PIK3CG: variants seen among roughly 807,000 people sequenced by gnomAD.
PIK3CG encodes the protein phosphatidylinositol 4,5-bisphosphate 3-kinase catalytic subunit gamma isoform.
PIK3CG carries 55 observed loss-of-function variants against 102.3 expected under a neutral mutation model. The observed-to-expected ratio is 0.54, with a 90% CI of 0.43 to 0.67. The LOEUF (loss-of-function observed/expected upper bound fraction) is 0.67. Among genes scored for constraint, PIK3CG ranks in the 30% least tolerant of loss-of-function variants. The pLI is 0.00. For missense variants in PIK3CG, 1,258 were observed against 1,391.8 expected (o/e 0.90, Z 1.53); for synonymous variants, 552 against 540.0 (o/e 1.02, Z -0.31).
chr7:106,902,571 G>A lies in PIK3CG; in HGVS notation c.3031-2538G>A, dbSNP rs1791587113. Among the ~76,000 whole-genome samples, 2 of 150,920 alleles carry A rather than the reference G, an allele frequency of 1.3e-5. No individual in the cohort carries two copies. Among genetic ancestry groups the A allele is most frequent in the African/African-American group, 4.9e-5 (2 of 41,094 alleles). On this transcript the variant is annotated intron_variant, in intron 10 of 10. Transcript: ENST00000496166. The surrounding 1 kb of genome is among the most constrained non-coding windows in gnomAD (Gnocchi z 4.3). ...AAAAAAAAAAAAGTCCAGTTTTTAG[G>A]TAAATTTTCCATCTCATTTTAAGTT... is the stretch of plus-strand genomic sequence containing the variant.
Position 106,874,834 on chromosome 7 carries a change from C to G in PIK3CG, c.2391+31C>G. On this transcript the variant is annotated intron_variant, in intron 5 of 10. Transcript: ENST00000496166. This position sits in a 1 kb window ranked among gnomAD's most constrained non-coding sequence, Gnocchi z 4.3. ...TATCACTTGGATGTCTCCATGTGGT[C>G]TTTATGTCTTGAAGATGTCTAACGT... 1 of 1,400,828 alleles carries G rather than the reference C, an allele frequency of 7.1e-7. No homozygotes were observed. Among genetic ancestry groups the G allele is most frequent in the Admixed American group, 1.7e-5 (1 of 57,906 alleles). 86.8% of individuals were successfully genotyped at this position (1,400,828 alleles called of 1,614,324 possible).
chr7:106,882,608 A>G (rs1315104912), intron 7 of PIK3CG: 6 of 174,948 alleles, frequency 3.4e-5, no homozygotes, highest in Non-Finnish European at 7.2e-5. Context: ...ACTATCAGGT[A>G]TTTTTATAGA....
Position 106,902,812 on chromosome 7 carries a change from T to C in PIK3CG, c.3031-2297T>C, listed in dbSNP as rs1791595581. Among the ~76,000 whole-genome samples, 1 of 152,144 alleles carries C rather than the reference T, an allele frequency of 6.6e-6. No homozygotes were observed. The highest frequency in any genetic ancestry group is 2.4e-5 in the African/African-American group (1 of 41,452). On this transcript the variant is annotated intron_variant, in intron 10 of 10. Transcript: ENST00000496166. The surrounding 1 kb of genome is among the most constrained non-coding windows in gnomAD (Gnocchi z 4.3). ...TGTCATTAAGCCACTTTTAATATTA[T>C]GTATAGCTTTTTTTCTCTCAAAAGT...
Position 106,874,613 on chromosome 7 carries a change from G to T in PIK3CG, c.2288-87G>T. The T allele has an allele frequency of 1.1e-6, 1 of 913,662 alleles. No individual in the cohort carries two copies. The highest frequency in any genetic ancestry group is 2.5e-5 in the East Asian group (1 of 40,002). 56.6% of individuals were successfully genotyped at this position (913,662 alleles called of 1,614,324 possible). A position where few individuals can be genotyped will look rare whatever the true frequency, so the allele number is the denominator to read the frequency against. On this transcript the variant is annotated intron_variant, in intron 4 of 10. Coordinates refer to ENST00000496166, the MANE Select transcript of PIK3CG (RefSeq NM_001282426.2). The surrounding 1 kb of genome is among the most constrained non-coding windows in gnomAD (Gnocchi z 4.3). Reference sequence around the variant, plus strand: ...CCAGAACAAATATATAGAATGCTATGAATAAATGTGTTCTCAGGAAATGTA... The same window carrying T: ...CCAGAACAAATATATAGAATGCTATTAATAAATGTGTTCTCAGGAAATGTA...
intron 2 of PIK3CG, among the ~76,000 whole-genome samples, chr7:106,870,128 G>T (rs775431052): frequency 2.0e-4 from 31 of 152,148 alleles, no homozygotes; most frequent in Admixed American, 1.3e-3. Context: ...CATCAGTCTG[G>T]TGTCAGGATT....
chr7:106,890,073 C>T lies in PIK3CG; in HGVS notation c.3030+3781C>T, dbSNP rs1791228533. Among the ~76,000 whole-genome samples, 1 of 152,226 alleles carries T rather than the reference C, an allele frequency of 6.6e-6. No individual in the cohort carries two copies. The highest frequency in any genetic ancestry group is 1.5e-5 in the Non-Finnish European group (1 of 68,048). ...TTCTAGACCATGTTATTTTAAATTT[C>T]ACTGAACAGTTATAGAATATATATA... On this transcript the variant is annotated intron_variant, in intron 10 of 10. Coordinates refer to ENST00000496166, the MANE Select transcript of PIK3CG (RefSeq NM_001282426.2). This position sits in a 1 kb window ranked among gnomAD's most constrained non-coding sequence, Gnocchi z 4.2.
Position 106,867,458 on chromosome 7 carries a change from G to C in PIK3CG, c.-12-92G>C. 8.5e-7 allele frequency: 1 copy of C among 1,173,036 alleles called. No individual in the cohort carries two copies. Among genetic ancestry groups the C allele is most frequent in the East Asian group, 2.4e-5 (1 of 42,258 alleles). The allele number at this position is 1,173,036 out of a possible 1,614,324, so 72.7% of individuals were successfully genotyped here. On this transcript the variant is annotated intron_variant, in intron 1 of 10. Transcript: ENST00000496166. This position sits in a 1 kb window ranked among gnomAD's most constrained non-coding sequence, Gnocchi z 5.1. The stretch of plus-strand genomic sequence containing the variant: ...CCTCTGGGTCCCTGTGCACATGTAC[G>C]CCGCCTATACCTCCTCTTCCCTCAT...
chr7:106,879,803 A>G lies in PIK3CG; in HGVS notation c.2538+138A>G, dbSNP rs1301327810. 4 of 693,176 alleles carry G rather than the reference A, an allele frequency of 5.8e-6. No individual in the cohort carries two copies. Among genetic ancestry groups the G allele is most frequent in the African/African-American group, 1.8e-5 (1 of 55,428 alleles). The allele number at this position is 693,176 out of a possible 1,614,324, so 42.9% of individuals were successfully genotyped here. ...TGTGATCAAATATTACATCATAGAG[A>G]GTTTTCACTTGGGGAATTTGGCTGC... On this transcript the variant is annotated intron_variant, in intron 6 of 10. Transcript: ENST00000496166. This position sits in a 1 kb window ranked among gnomAD's most constrained non-coding sequence, Gnocchi z 4.9.
intron 5 of PIK3CG, among the ~76,000 whole-genome samples, chr7:106,878,284 A>T (rs1790823899): frequency 6.6e-6 from 1 of 151,668 alleles, no homozygotes; most frequent in Non-Finnish European, 1.5e-5. Context: ...TGTTTTTAAG[A>T]TTCTTTTTTA....
chr7:106,875,955 C>T (rs1431434070), intron 5 of PIK3CG, among the ~76,000 whole-genome samples: 7 of 139,978 alleles, frequency 5.0e-5, no homozygotes, highest in Admixed American at 1.5e-4. Context: ...TTGCCCAGGC[C>T]GGACTGCGGA....
chr7:106,867,601 G>A lies in PIK3CG; in HGVS notation c.40G>A (p.Glu14Lys), dbSNP rs1584314339. 1.2e-6 allele frequency: 2 copies of A among 1,605,836 alleles called. No individual in the cohort carries two copies. The highest frequency in any genetic ancestry group is 1.1e-5 in the South Asian group (1 of 90,426). ...CTATAAACAGCCCGTGGTGCTGAGA[G>A]AGGACAACTGCCGAAGGCGCCGGAG... is the stretch of plus-strand genomic sequence containing the variant. ...ENYKQPVVLREDNCRRRRRMK... is the reference protein window; with the variant it reads ...ENYKQPVVLRKDNCRRRRRMK... Residue 14 changes from glutamate to lysine, a missense_variant, in exon 2 of 11, where the codon GAG becomes AAG. Physicochemically the swap from Glu to Lys is moderately conservative, Grantham distance 56. This residue lies in a region of PIK3CG where 832 missense variants were observed against 787.5 expected (regional missense o/e 1.06). Coordinates refer to ENST00000496166, the MANE Select transcript of PIK3CG (RefSeq NM_001282426.2). This position sits in a 1 kb window ranked among gnomAD's most constrained non-coding sequence, Gnocchi z 5.1.
Position 106,890,729 on chromosome 7 carries a change from A to G in PIK3CG, c.3030+4437A>G, listed in dbSNP as rs1791244428. On this transcript the variant is annotated intron_variant, in intron 10 of 10. Transcript: ENST00000496166. This position sits in a 1 kb window ranked among gnomAD's most constrained non-coding sequence, Gnocchi z 4.2. The stretch of plus-strand genomic sequence containing the variant: ...GGCTGATTAACATCCATGAGATGGT[A>G]GTTTGTCATTCTGAATAAAATCTAA... Among the ~76,000 whole-genome samples, 1 of 152,350 alleles carries G rather than the reference A, an allele frequency of 6.6e-6. No individual in the cohort carries two copies. The highest frequency in any genetic ancestry group is 6.5e-5 in the Admixed American group (1 of 15,306).
At position 106,907,006 on chromosome 7, in the gene PIK3CG, A is replaced by G; in HGVS notation, c.*1619A>G. 4.7e-6 allele frequency: 1 copy of G among 213,040 alleles called. No individual in the cohort carries two copies. Among genetic ancestry groups the G allele is most frequent in the Non-Finnish European group, 9.5e-6 (1 of 105,266 alleles). The allele number at this position is 213,040 out of a possible 1,614,324, so 13.2% of individuals were successfully genotyped here. ...TATAGTGGTATGTGCCTGTAGTCCCAGGTACTCAGGAGGCTGAGGCAGGAG... is the reference window on the plus strand; with the variant it reads ...TATAGTGGTATGTGCCTGTAGTCCCGGGTACTCAGGAGGCTGAGGCAGGAG... On this transcript the variant is annotated 3_prime_UTR_variant, in exon 11 of 11. Transcript: ENST00000496166.
rs1791447320 is a variant in PIK3CG, at chr7:106,897,843, T to G, written c.3031-7266T>G. On this transcript the variant is annotated intron_variant, in intron 10 of 10. Transcript: ENST00000496166. The surrounding 1 kb of genome is among the most constrained non-coding windows in gnomAD (Gnocchi z 4.6). ...TGTGAATAGTGCTGCAGTGAATATT[T>G]CTGTACATGCGTTTTTATGGTAGAA... Among the ~76,000 whole-genome samples, 1 of 152,176 alleles carries G rather than the reference T, an allele frequency of 6.6e-6. No homozygotes were observed. The highest frequency in any genetic ancestry group is 1.5e-5 in the Non-Finnish European group (1 of 68,008).
In PIK3CG at chr7:106,890,423, C is replaced by T. The variant is rs6466138; in HGVS notation, c.3030+4131C>T. On this transcript the variant is annotated intron_variant, in intron 10 of 10. Transcript: ENST00000496166. This position sits in a 1 kb window ranked among gnomAD's most constrained non-coding sequence, Gnocchi z 4.2. ...GTCTCAATCTCCTGACCTCGTGATC[C>T]GGCTGCCTCAGCCTCCCAAAGTGCT... 0.35 allele frequency among the ~76,000 whole-genome samples: 53,363 copies of T among 152,132 alleles called. 10,598 individuals are homozygous for T. The highest frequency in any genetic ancestry group is 0.51 in the East Asian group (2,621 of 5,164).
rs1490911021 is a variant in PIK3CG, at chr7:106,869,822, A to G, written c.1995+266A>G. ...GGCCCTGTGGGAATACTTTGTTCTCATTTATTATTTTAATGATAGATTGCA... is the reference window on the plus strand; with the variant it reads ...GGCCCTGTGGGAATACTTTGTTCTCGTTTATTATTTTAATGATAGATTGCA... On this transcript the variant is annotated intron_variant, in intron 2 of 10. Transcript: ENST00000496166. This position sits in a 1 kb window ranked among gnomAD's most constrained non-coding sequence, Gnocchi z 5.3. Among the ~76,000 whole-genome samples the G allele has an allele frequency of 1.3e-5, 2 of 152,162 alleles. No homozygotes were observed. Among genetic ancestry groups the G allele is most frequent in the Non-Finnish European group, 2.9e-5 (2 of 68,022 alleles).
chr7:106,868,175 A>G lies in PIK3CG; in HGVS notation c.614A>G (p.Lys205Arg), dbSNP rs749980101. 14 of 1,612,640 alleles carry G rather than the reference A, an allele frequency of 8.7e-6. No individual in the cohort carries two copies. Among genetic ancestry groups the G allele is most frequent in the Non-Finnish European group, 1.2e-5 (14 of 1,180,024 alleles). ...LYAMHPWVTS[K>R]PLPEYLWKKI... is the part of the protein sequence containing the mutation. ...GCCATGCACCCGTGGGTGACGTCCA[A>G]GCCCCTCCCGGAGTACCTGTGGAAG... The change falls in exon 2 of 11, where the codon AAG (lysine) becomes AGG (arginine). Residue 205 changes from lysine to arginine, a missense_variant. Coordinates refer to ENST00000496166, the MANE Select transcript of PIK3CG (RefSeq NM_001282426.2). This position sits in a 1 kb window ranked among gnomAD's most constrained non-coding sequence, Gnocchi z 6.2.
intron 9 of PIK3CG, 40 bp from the exon 10 acceptor site, chr7:106,886,095 T>C: frequency 6.4e-7 from 1 of 1,570,160 alleles, no homozygotes; most frequent in Non-Finnish European, 8.7e-7. Context: ...AACAAAGTGC[T>C]GTGCCACTGT....
chr7:106,901,254 CT>C (rs1009064653), intron 10 of PIK3CG, among the ~76,000 whole-genome samples: 2 of 149,914 alleles, frequency 1.3e-5, no homozygotes, highest in South Asian at 2.1e-4. Flanking sequence ...TTTTTCATTT[CT>C]TTTTTTTCTT....
Sources: gnomAD v4.1 joint callset for allele counts (sites outside exome capture counted in the v4.1 genomes callset) on GRCh38, gnomAD v4.1.1 for gene constraint, gnomAD v4.1.1 regional missense constraint, Gnocchi (gnomAD v3.1) non-coding constraint, MANE v1.5 for transcripts, NCBI Gene and HGNC (gene_info 2026-07-23, HGNC 2026-07-21) for gene names.